The following GRAMD2A variants were observed in gnomAD, a reference collection of about 807,000 sequenced individuals.
GRAMD2A encodes the protein GRAM domain containing 2A.
GRAMD2A carries 37 observed loss-of-function variants against 51.1 expected under a neutral mutation model. The observed-to-expected ratio is 0.72, with a 90% CI of 0.56 to 0.95. GRAMD2A has a LOEUF of 0.95. Ranked by LOEUF, GRAMD2A falls within the 40% of genes least tolerant of loss-of-function variation. The probability of loss-of-function intolerance (pLI) is 0.00; values close to 1 mark genes in which losing one functional copy is unlikely to be tolerated. For missense variants in GRAMD2A, 414 were observed against 426.9 expected (o/e 0.97, Z 0.27); for synonymous variants, 136 against 157.1 (o/e 0.87, Z 1.01).
intron 7 of GRAMD2A, 54 bp from the exon 8 acceptor site, chr15:72,165,464 G>T (rs1417447106): frequency 1.3e-6 from 2 of 1,555,256 alleles, no homozygotes; most frequent in African/African-American, 2.7e-5. Flanking sequence ...GGCAAGGTCA[G>T]GCAGGGGGAA....
intron 1 of GRAMD2A, among the ~76,000 whole-genome samples, chr15:72,187,592 C>T (rs971157317): frequency 5.3e-5 from 8 of 152,284 alleles, no homozygotes; most frequent in East Asian, 1.9e-4. Flanking sequence ...AAACTCACTA[C>T]AACCTCTGCC....
rs1185436196 is a variant in GRAMD2A at position 72,163,259 on chromosome 15, CACTT to C, written c.956+3_956+6del. 4 of 1,607,984 alleles carry C rather than the reference CACTT, an allele frequency of 2.5e-6. No individual in the cohort carries two copies. The highest frequency in any genetic ancestry group is 1.7e-5 in the Admixed American group (1 of 59,988). ...GGTCTGTCCCCCTCCCCAGTATAGT[CACTT>C]ACAGCACAAAGAAGACCTTGAGGAG... On this transcript the variant is annotated splice_donor_5th_base_variant and intron_variant, in intron 10 of 11. Transcript: ENST00000309731.
At position 72,173,360 on chromosome 15, in the gene GRAMD2A, C is replaced by T. The variant is rs1039329472; in HGVS notation, c.42-3421G>A. ...CTCAGGGAGAGAAGCCTTCCCTCAGCCCTCCCCCAGCCTAGGTGAGTAGTC... is the reference window on the plus strand; with the variant it reads ...CTCAGGGAGAGAAGCCTTCCCTCAGTCCTCCCCCAGCCTAGGTGAGTAGTC... On this transcript the variant is annotated intron_variant, in intron 1 of 11. Coordinates refer to ENST00000309731, the MANE Select transcript of GRAMD2A (RefSeq NM_001012642.3). Among the ~76,000 whole-genome samples, 7 of 152,262 alleles carry T rather than the reference C, an allele frequency of 4.6e-5. No homozygotes were observed. In the East Asian group the frequency reaches 1.4e-3, roughly 29 times the overall value.
chr15:72,171,635 C>G (rs901279070), intron 1 of GRAMD2A, among the ~76,000 whole-genome samples: 1 of 152,116 alleles, frequency 6.6e-6, no homozygotes, highest in Admixed American at 6.5e-5. Flanking sequence ...TATTGTCTCT[C>G]GCTCACCTTT....
At chr15:72,189,133 G>A (rs1370867652) in intron 1 of GRAMD2A, among the ~76,000 whole-genome samples, 2 of 152,172 alleles carry the variant, frequency 1.3e-5, no homozygotes, top group Non-Finnish European at 2.9e-5. Flanking sequence ...TTAAAAAGGA[G>A]GAGAAGGAGA....
chr15:72,197,703 G>T, intron 1 of GRAMD2A, 28 bp downstream of exon 1: 3 of 1,303,380 alleles, frequency 2.3e-6, no homozygotes, highest in South Asian at 2.0e-5. Flanking sequence ...GAACCCCCGA[G>T]ACCGGCCCCC....
At chr15:72,185,996 A>T (rs772184964) in intron 1 of GRAMD2A, among the ~76,000 whole-genome samples, 5 of 152,256 alleles carry the variant, frequency 3.3e-5, no homozygotes, top group Non-Finnish European at 5.9e-5. Flanking sequence ...ATTTAATTGC[A>T]TAAAGATTTA....
chr15:72,167,683 AG>A, intron 5 of GRAMD2A, 52 bp downstream of exon 5: 1 of 1,350,966 alleles, frequency 7.4e-7, no homozygotes, highest in East Asian at 2.3e-5. Flanking sequence ...CCCGTGGGGC[AG>A]GAGGCTGGCT....
intron 1 of GRAMD2A, among the ~76,000 whole-genome samples, chr15:72,193,322 T>C (rs974188549): frequency 1.3e-5 from 2 of 150,218 alleles, no homozygotes; most frequent in African/African-American, 4.9e-5. Context: ...GTTCAAGCGA[T>C]TTTCCTGCCT....
At chr15:72,188,898 G>T (rs1488235960) in intron 1 of GRAMD2A, among the ~76,000 whole-genome samples, 1 of 152,152 alleles carries the variant, frequency 6.6e-6, no homozygotes, top group African/African-American at 2.4e-5. Context: ...TGGCCAGGCT[G>T]GTCTCGAACT....
intron 1 of GRAMD2A, among the ~76,000 whole-genome samples, chr15:72,195,674 CT>C (rs1480755779): frequency 6.6e-6 from 1 of 152,124 alleles, no homozygotes; most frequent in Admixed American, 6.5e-5. Context: ...AATCCCAGCA[CT>C]TTGAGAGGCT....
intron 9 of GRAMD2A, 54 bp from the exon 10 acceptor site, chr15:72,163,530 G>A: frequency 6.3e-7 from 1 of 1,597,522 alleles, no homozygotes; most frequent in East Asian, 2.2e-5. Flanking sequence ...TGCTGGCTGT[G>A]GTGAGCCCTT....
chr15:72,167,798 G>A lies in GRAMD2A; in HGVS notation c.310C>T (p.Arg104Trp), dbSNP rs778847447. The A allele has an allele frequency of 1.5e-5, 24 of 1,613,962 alleles. No homozygotes were observed. Among genetic ancestry groups the A allele is most frequent in the African/African-American group, 1.1e-4 (8 of 74,904 alleles). ...AGCCAGTTGGGGGAGATGTAGAGCCGGCCCTGGAGGAGGAAGTCCCTCTGG... is the reference window on the plus strand; with the variant it reads ...AGCCAGTTGGGGGAGATGTAGAGCCAGCCCTGGAGGAGGAAGTCCCTCTGG... ...ALQRDFLLQG[R>W]LYISPNWLCF... The change falls in exon 5 of 12, where the codon CGG (arginine) becomes TGG (tryptophan). Residue 104 changes from arginine to tryptophan, a missense_variant. Transcript: ENST00000309731.
At chr15:72,190,376 C>A (rs2081760204) in intron 1 of GRAMD2A, among the ~76,000 whole-genome samples, 1 of 151,134 alleles carries the variant, frequency 6.6e-6, no homozygotes, top group Admixed American at 6.6e-5. Context: ...GAGATTCTGT[C>A]TAAAAAAAAA....
At chr15:72,197,131 C>A (rs1219246222) in intron 1 of GRAMD2A, among the ~76,000 whole-genome samples, 3 of 152,204 alleles carry the variant, frequency 2.0e-5, no homozygotes, top group Non-Finnish European at 2.9e-5. Context: ...GACTTTGGAC[C>A]AGGTCTCGAG....
intron 1 of GRAMD2A, among the ~76,000 whole-genome samples, chr15:72,178,644 C>T (rs763130614): frequency 1.5e-5 from 2 of 136,090 alleles, no homozygotes; most frequent in Admixed American, 8.3e-5. Flanking sequence ...GGCGCAATCT[C>T]GGCTCACTGC....
intron 1 of GRAMD2A, among the ~76,000 whole-genome samples, chr15:72,190,375 T>C (rs1393361252): frequency 2.6e-5 from 4 of 151,522 alleles, no homozygotes; most frequent in Non-Finnish European, 4.4e-5. Context: ...TGAGATTCTG[T>C]CTAAAAAAAA....
Position 72,170,930 on chromosome 15 carries a change from CTCT to C in GRAMD2A, c.42-994_42-992del, listed in dbSNP as rs1372434261. On this transcript the variant is annotated intron_variant, in intron 1 of 11. Coordinates refer to ENST00000309731, the MANE Select transcript of GRAMD2A (RefSeq NM_001012642.3). This position sits in a 1 kb window ranked among gnomAD's most constrained non-coding sequence, Gnocchi z 4.5. ...TCTGTGACTGAGGCCAGCCAAAGTT[CTCT>C]TCTTCAAGAACAGAGTTTTCGCCTC... is the stretch of plus-strand genomic sequence containing the variant. Among the ~76,000 whole-genome samples, 4 of 152,358 alleles carry C rather than the reference CTCT, an allele frequency of 2.6e-5. No individual in the cohort carries two copies. The highest frequency in any genetic ancestry group is 7.2e-5 in the African/African-American group (3 of 41,586).
chr15:72,192,988 T>C (rs1045390952), intron 1 of GRAMD2A, among the ~76,000 whole-genome samples: 1 of 151,816 alleles, frequency 6.6e-6, no homozygotes. Context: ...TAGTCGGGCG[T>C]GGTGGCACAT....
Sources: gnomAD v4.1 joint callset for allele counts (sites outside exome capture counted in the v4.1 genomes callset) on GRCh38, gnomAD v4.1.1 for gene constraint, Gnocchi (gnomAD v3.1) non-coding constraint, MANE v1.5 for transcripts, NCBI Gene and HGNC (gene_info 2026-07-23, HGNC 2026-07-21) for gene names.